Variants in SDK1 observed in about 807,000 individuals in gnomAD.
SDK1 encodes the protein sidekick cell adhesion molecule 1.
A neutral mutation model predicts 245.5 loss-of-function variants in SDK1; 157 were observed. That is an observed-to-expected ratio of 0.64 (90% CI 0.56 to 0.73). The LOEUF (loss-of-function observed/expected upper bound fraction) is 0.73, where lower values mean the gene tolerates loss of function less well. Among genes scored for constraint, SDK1 ranks in the 30% least tolerant of loss-of-function variants. The pLI is 0.00. For synonymous variants in SDK1, 1,647 were observed against 1,278.5 expected (o/e 1.29, Z -6.15); for missense variants, 3,583 against 3,002.3 (o/e 1.19, Z -4.52).
intron 1 of SDK1, among the ~76,000 whole-genome samples, chr7:3,374,595 C>A (rs186716337): frequency 9.5e-4 from 145 of 152,112 alleles, no homozygotes; most frequent in African/African-American, 3.3e-3. Flanking sequence ...TTTTACTGGC[C>A]TTTTTTCCAG....
At position 4,218,884 on chromosome 7, in the gene SDK1, TCTAA is replaced by T. The variant is rs568145077; in HGVS notation, c.5540-1222_5540-1219del. Among the ~76,000 whole-genome samples the T allele has an allele frequency of 6.0e-3, 908 of 152,098 alleles. 14 individuals are homozygous for T. The highest frequency in any genetic ancestry group is 0.021 in the African/African-American group (857 of 41,434). The stretch of plus-strand genomic sequence containing the variant: ...GAGAAGTCCAGCAGTTGAGAACTTA[TCTAA>T]CTGTTTTTTTTTTTAATGCATCATT... On this transcript the variant is annotated intron_variant, in intron 38 of 44. Coordinates refer to ENST00000404826, the MANE Select transcript of SDK1 (RefSeq NM_152744.4).
At chr7:4,064,588 G>A (rs977822830) in intron 19 of SDK1, among the ~76,000 whole-genome samples, 1 of 152,156 alleles carries the variant, frequency 6.6e-6, no homozygotes, top group African/African-American at 2.4e-5. Flanking sequence ...AAAGGAGTCA[G>A]TGCATCAAAG....
intron 14 of SDK1, among the ~76,000 whole-genome samples, chr7:4,001,351 C>G (rs1420492173): frequency 6.6e-6 from 1 of 152,220 alleles, no homozygotes; most frequent in Non-Finnish European, 1.5e-5. Flanking sequence ...TGCCCCTTCT[C>G]TGGAGGGAAT....
intron 1 of SDK1, among the ~76,000 whole-genome samples, chr7:3,560,475 T>G (rs112993186): frequency 6.6e-6 from 1 of 152,298 alleles, no homozygotes; most frequent in Non-Finnish European, 1.5e-5. Context: ...TCATTGGGTT[T>G]GACTTGAGAA....
chr7:3,790,200 A>G (rs1781036039), intron 4 of SDK1, among the ~76,000 whole-genome samples: 1 of 152,180 alleles, frequency 6.6e-6, no homozygotes, highest in Non-Finnish European at 1.5e-5. Flanking sequence ...TTTATGTCAC[A>G]GTTTAGAAGC....
intron 1 of SDK1, among the ~76,000 whole-genome samples, chr7:3,340,044 T>C (rs1374211386): frequency 1.3e-5 from 2 of 152,052 alleles, no homozygotes; most frequent in Non-Finnish European, 2.9e-5. Context: ...GAAAGGATAA[T>C]TAGGAAATCC....
chr7:3,365,812 C>T, intron 1 of SDK1, among the ~76,000 whole-genome samples: 1 of 116,146 alleles, frequency 8.6e-6, no homozygotes, highest in East Asian at 3.2e-4. Context: ...GTGGGTGTAT[C>T]ACCTGAGGTC....
intron 1 of SDK1, among the ~76,000 whole-genome samples, chr7:3,352,734 G>C (rs1780693289): frequency 6.6e-6 from 1 of 151,704 alleles, no homozygotes; most frequent in Non-Finnish European, 1.5e-5. Flanking sequence ...TTTTTTTTCA[G>C]ATTATTACTG....
chr7:3,871,936 A>G (rs1415436238), intron 5 of SDK1, among the ~76,000 whole-genome samples: 1 of 152,146 alleles, frequency 6.6e-6, no homozygotes, highest in Admixed American at 6.5e-5. Context: ...TGTTAGCTAT[A>G]TGTATTTTGT....
At chr7:3,329,263 TTGA>T (rs1242541682) in intron 1 of SDK1, among the ~76,000 whole-genome samples, 1 of 152,166 alleles carries the variant, frequency 6.6e-6, no homozygotes, top group Non-Finnish European at 1.5e-5. Context: ...GAGGCACTCT[TTGA>T]TGACTCTGGG....
At chr7:3,787,985 G>T (rs977241350) in intron 4 of SDK1, among the ~76,000 whole-genome samples, 1 of 152,144 alleles carries the variant, frequency 6.6e-6, no homozygotes. Flanking sequence ...TTCTTAGAGA[G>T]CCCGTGGGAG....
At chr7:3,809,715 T>A (rs954330528) in intron 4 of SDK1, among the ~76,000 whole-genome samples, 3 of 152,218 alleles carry the variant, frequency 2.0e-5, no homozygotes, top group Non-Finnish European at 4.4e-5. Flanking sequence ...CTGCGTATGC[T>A]TGGTCCAGCC....
At chr7:3,479,311 A>C (rs1781438071) in intron 1 of SDK1, among the ~76,000 whole-genome samples, 1 of 150,230 alleles carries the variant, frequency 6.7e-6, no homozygotes, top group Non-Finnish European at 1.5e-5. Flanking sequence ...AGTCCCAGCT[A>C]CTTGGGAGGC....
chr7:3,524,400 T>C (rs549203342), intron 1 of SDK1, among the ~76,000 whole-genome samples: 57 of 152,268 alleles, frequency 3.7e-4, no homozygotes, highest in African/African-American at 1.3e-3. Context: ...GCTGTTTAAA[T>C]GATCCAAACA....
In SDK1 at chr7:4,045,617, G is replaced by A. The variant is rs376206399; in HGVS notation, c.2603-3731G>A. 1.7e-4 allele frequency among the ~76,000 whole-genome samples: 26 copies of A among 152,244 alleles called. 1 individual carries two copies. Among genetic ancestry groups the A allele is most frequent in the African/African-American group, 4.3e-4 (18 of 41,534 alleles). On this transcript the variant is annotated intron_variant, in intron 17 of 44. Transcript: ENST00000404826. ...CCCGGGGGCAGGATTACCGGGTCAC[G>A]TGGCTCGCGCATGTTTAACTTCGTA... is the stretch of plus-strand genomic sequence containing the variant.
At chr7:3,887,915 A>G (rs1296096520) in intron 5 of SDK1, among the ~76,000 whole-genome samples, 1 of 152,182 alleles carries the variant, frequency 6.6e-6, no homozygotes, top group African/African-American at 2.4e-5. Flanking sequence ...GTTTTCTGCA[A>G]ATTTTTATTC....
intron 14 of SDK1, among the ~76,000 whole-genome samples, chr7:3,998,202 G>A (rs73296687): frequency 0.01 from 1,546 of 152,172 alleles, 27 homozygotes; most frequent in African/African-American, 0.036. Flanking sequence ...GGGAGCTCCC[G>A]CCCCAACTCG....
intron 1 of SDK1, among the ~76,000 whole-genome samples, chr7:3,430,162 T>C (rs1331276327): frequency 6.6e-6 from 1 of 152,144 alleles, no homozygotes; most frequent in African/African-American, 2.4e-5. Flanking sequence ...TCTGCCTTCA[T>C]CTCCGCATGC....
At chr7:3,781,815 C>A (rs1310167741) in intron 4 of SDK1, among the ~76,000 whole-genome samples, 1 of 151,866 alleles carries the variant, frequency 6.6e-6, no homozygotes, top group Non-Finnish European at 1.5e-5. Flanking sequence ...CACTGTCGAG[C>A]AGAAGAAAGA....
Sources: allele counts gnomAD v4.1 joint callset (sites outside exome capture counted in the v4.1 genomes callset), GRCh38; gene constraint gnomAD v4.1.1; transcripts MANE v1.5; gene names NCBI Gene and HGNC (gene_info 2026-07-23, HGNC 2026-07-21).